The following MARK4 variants were observed in gnomAD, a reference collection of about 807,000 sequenced individuals.
MARK4 encodes microtubule affinity regulating kinase 4.
Under a neutral mutation model 81.5 loss-of-function variants are expected in MARK4, and 19 were observed. The observed-to-expected ratio is 0.23, with a 90% CI of 0.16 to 0.34. MARK4 has a LOEUF of 0.34. Ranked by LOEUF, MARK4 falls within the 10% of genes least tolerant of loss-of-function variation. The pLI is 1.00. For synonymous variants in MARK4, 436 were observed against 439.0 expected, an observed-to-expected ratio of 0.99 and a Z score of 0.08; for missense variants, 772 against 1,058.8, an observed-to-expected ratio of 0.73 and a Z score of 3.76.
rs757465821 is a variant in MARK4, at chr19:45,264,928, G to C, written c.492+18G>C. On this transcript the variant is annotated intron_variant, in intron 6 of 16. Coordinates refer to ENST00000262891, the MANE Select transcript of MARK4 (RefSeq NM_001199867.2). Reference sequence around the variant, plus strand: ...TCCGACAGGTTGGGGCAGGGCTGAGGGTGGGGCTGACTGGGTGCCTGGGTC... The same window carrying C: ...TCCGACAGGTTGGGGCAGGGCTGAGCGTGGGGCTGACTGGGTGCCTGGGTC... The C allele has an allele frequency of 2.5e-5, 41 of 1,613,638 alleles. No individual in the cohort carries two copies. The highest frequency in any genetic ancestry group is 3.4e-5 in the Non-Finnish European group (40 of 1,179,658).
At chr19:45,265,734 G>T in intron 6 of MARK4, among the ~76,000 whole-genome samples, 1 of 145,764 alleles carries the variant, frequency 6.9e-6, no homozygotes, top group Non-Finnish European at 1.5e-5. Context: ...ATGTGCGTGT[G>T]TGAGGGTGCC....
chr19:45,264,404 G>A, intron 4 of MARK4, among the ~76,000 whole-genome samples: 1 of 151,970 alleles, frequency 6.6e-6, no homozygotes, highest in East Asian at 1.9e-4. Context: ...GGGAGGCTGA[G>A]GCAGGAGAAT....
chr19:45,298,110 C>T (rs1309582612), intron 15 of MARK4, 156 bp downstream of exon 15: 1 of 1,608,566 alleles, frequency 6.2e-7, no homozygotes, highest in East Asian at 2.2e-5. Flanking sequence ...TCCTCCTCCC[C>T]TGTCACCCCT....
At chr19:45,251,845 C>T (rs1318780966) in intron 1 of MARK4, among the ~76,000 whole-genome samples, 1 of 151,732 alleles carries the variant, frequency 6.6e-6, no homozygotes, top group Non-Finnish European at 1.5e-5. Flanking sequence ...GCGCCCCTCT[C>T]TCGGGACCCC....
At position 45,302,587 on chromosome 19, in the gene MARK4, C is replaced by T. The variant is rs559566590; in HGVS notation, c.2136C>T (p.Phe712=). 5 of 1,574,400 alleles carry T rather than the reference C, an allele frequency of 3.2e-6. No homozygotes were observed. Among genetic ancestry groups the T allele is most frequent in the East Asian group, 4.6e-5 (2 of 43,830 alleles). ...GAGGPEPLSH[F]EVEVCQLPRP... ...GCGGGCCCGAGCCCCTGTCCCACTTCGAAGTGGAGGTCTGCCAGCTGCCCC... is the reference window on the plus strand; with the variant it reads ...GCGGGCCCGAGCCCCTGTCCCACTTTGAAGTGGAGGTCTGCCAGCTGCCCC... Residue 712 remains phenylalanine, a synonymous_variant, in exon 17 of 17, where the codon TTC becomes TTT. Coordinates refer to ENST00000262891, the MANE Select transcript of MARK4 (RefSeq NM_001199867.2). The surrounding 1 kb of genome is among the most constrained non-coding windows in gnomAD (Gnocchi z 4.9).
intron 8 of MARK4, among the ~76,000 whole-genome samples, chr19:45,273,631 CATT>C (rs1437473151): frequency 4.6e-5 from 7 of 152,174 alleles, no homozygotes; most frequent in African/African-American, 1.7e-4. Context: ...ATGACATTGA[CATT>C]ATCGATTAGT....
intron 7 of MARK4, among the ~76,000 whole-genome samples, chr19:45,270,603 C>G (rs1970513916): frequency 6.6e-6 from 1 of 151,964 alleles, no homozygotes; most frequent in South Asian, 2.1e-4. Flanking sequence ...ACTGTTCTAG[C>G]TTTTCTTTTT....
rs750528858 is a variant in MARK4, at chr19:45,299,896, C to T, written c.1922+41C>T. 1.1e-5 allele frequency: 17 copies of T among 1,571,858 alleles called. No homozygotes were observed. In the South Asian group the frequency reaches 1.9e-4, roughly 17 times the overall value. On this transcript the variant is annotated intron_variant, in intron 16 of 16. Coordinates refer to ENST00000262891, the MANE Select transcript of MARK4 (RefSeq NM_001199867.2). Reference sequence around the variant, plus strand: ...TACCCCTGACTGCCACTTCCCCTCTCCTGCCTCAGCACCTCCCGACACTTA... The same window carrying T: ...TACCCCTGACTGCCACTTCCCCTCTTCTGCCTCAGCACCTCCCGACACTTA...
At chr19:45,293,763 T>C (rs769046390) in intron 13 of MARK4, among the ~76,000 whole-genome samples, 2 of 152,118 alleles carry the variant, frequency 1.3e-5, no homozygotes, top group Non-Finnish European at 2.9e-5. Context: ...TGGGGACATA[T>C]ATGAGAACAG....
chr19:45,282,229 TAAAA>T (rs767436315), intron 12 of MARK4, among the ~76,000 whole-genome samples: 2 of 117,876 alleles, frequency 1.7e-5, no homozygotes, highest in East Asian at 2.4e-4. Flanking sequence ...TCAAAAAAAT[TAAAA>T]AAAAAAAAAA....
chr19:45,264,757 G>T lies in MARK4; in HGVS notation c.421+8G>T. On this transcript the variant is annotated splice_region_variant and intron_variant, in intron 5 of 16. Transcript: ENST00000262891. ...TGGAGTACGCAAGTGCTGGTGAGCCGCCCACCCTCTCCGCCCTGCCCCTGT... is the reference window on the plus strand; with the variant it reads ...TGGAGTACGCAAGTGCTGGTGAGCCTCCCACCCTCTCCGCCCTGCCCCTGT... 1.2e-6 allele frequency: 2 copies of T among 1,613,928 alleles called. No individual in the cohort carries two copies. Among genetic ancestry groups the T allele is most frequent in the Non-Finnish European group, 1.7e-6 (2 of 1,180,012 alleles).
intron 14 of MARK4, among the ~76,000 whole-genome samples, chr19:45,295,484 C>T (rs1599803413): frequency 2.0e-5 from 3 of 152,188 alleles, no homozygotes; most frequent in Middle Eastern, 3.4e-3. Context: ...GTAAAATGGG[C>T]TTGATGCTGG....
At position 45,288,519 on chromosome 19, in the gene MARK4, C is replaced by T. The variant is rs2123092734; in HGVS notation, c.1494+855C>T. The T allele has an allele frequency of 2.1e-5, 3 of 145,262 alleles. No homozygotes were observed. The Middle Eastern group carries it at 0.011, about 550-fold the overall frequency. The allele number at this position is 145,262 out of a possible 1,614,324, so 9.0% of individuals were successfully genotyped here. A position where few individuals can be genotyped will look rare whatever the true frequency, so the allele number is the denominator to read the frequency against. On this transcript the variant is annotated intron_variant, in intron 13 of 16. Transcript: ENST00000262891. ...AGTGAGCTAAGATTGCGCTACTGCACTCCAGGATAGGTGACAGAGTGAGAC... is the reference window on the plus strand; with the variant it reads ...AGTGAGCTAAGATTGCGCTACTGCATTCCAGGATAGGTGACAGAGTGAGAC...
chr19:45,267,218 C>T (rs192625209), intron 7 of MARK4, among the ~76,000 whole-genome samples: 2 of 152,108 alleles, frequency 1.3e-5, no homozygotes, highest in Admixed American at 1.3e-4. Flanking sequence ...GTCACCATGC[C>T]CAGCTATTTT....
chr19:45,268,589 A>G (rs1046271053), intron 7 of MARK4, among the ~76,000 whole-genome samples: 3 of 151,420 alleles, frequency 2.0e-5, no homozygotes, highest in Non-Finnish European at 4.4e-5. Flanking sequence ...ATCTCAAAAA[A>G]AAAAAAAAGA....
At chr19:45,255,203 A>T (rs1467276658) in intron 1 of MARK4, among the ~76,000 whole-genome samples, 1 of 138,838 alleles carries the variant, frequency 7.2e-6, no homozygotes, top group Non-Finnish European at 1.6e-5. Context: ...GCCCTGTCTC[A>T]AAAAAAAAAA....
intron 14 of MARK4, among the ~76,000 whole-genome samples, chr19:45,296,415 G>T (rs373076589): frequency 1.3e-5 from 2 of 152,316 alleles, no homozygotes; most frequent in Middle Eastern, 6.8e-3. Flanking sequence ...GACTGAGGCC[G>T]CTGCACCAGC....
At chr19:45,282,257 A>G (rs1175410753) in intron 12 of MARK4, among the ~76,000 whole-genome samples, 1 of 151,140 alleles carries the variant, frequency 6.6e-6, no homozygotes, top group African/African-American at 2.4e-5. Context: ...GATACACACC[A>G]CCATCAGCAC....
chr19:45,302,306 G>C lies in MARK4; in HGVS notation c.1923-68G>C. ...AATGTGTCCCGAATTGGGAAGAGTT[G>C]TCCCTTCAGCCCTCCACCACATTCC... On this transcript the variant is annotated intron_variant, in intron 16 of 16. Coordinates refer to ENST00000262891, the MANE Select transcript of MARK4 (RefSeq NM_001199867.2). The surrounding 1 kb of genome is among the most constrained non-coding windows in gnomAD (Gnocchi z 4.9). 1.2e-6 allele frequency: 2 copies of C among 1,605,668 alleles called. No individual in the cohort carries two copies. Among genetic ancestry groups the C allele is most frequent in the Admixed American group, 3.4e-5 (2 of 59,196 alleles).
Sources: allele counts gnomAD v4.1 joint callset (sites outside exome capture counted in the v4.1 genomes callset), GRCh38; gene constraint gnomAD v4.1.1; non-coding constraint Gnocchi (gnomAD v3.1); transcripts MANE v1.5; gene names NCBI Gene and HGNC (gene_info 2026-07-23, HGNC 2026-07-21).